GATA6: variants seen among roughly 807,000 people sequenced by gnomAD.
The protein encoded by GATA6 is GATA binding protein 6.
In GATA6, 11 loss-of-function variants were observed where a neutral mutation model predicts 48.1. The observed-to-expected ratio is 0.23, with a 90% CI of 0.14 to 0.38. The LOEUF is 0.38. GATA6 is among the 10% of genes least tolerant of loss of function. The probability of loss-of-function intolerance (pLI) is 1.00; values close to 1 mark genes in which losing one functional copy is unlikely to be tolerated. For missense variants in GATA6, 795 were observed against 850.3 expected, an observed-to-expected ratio of 0.93 and a Z score of 0.81; for synonymous variants, 419 against 396.1, an observed-to-expected ratio of 1.06 and a Z score of -0.69.
chr18:22,199,677 C>T (rs1328413488), intron 6 of GATA6, among the ~76,000 whole-genome samples: 2 of 151,978 alleles, frequency 1.3e-5, no homozygotes, highest in African/African-American at 4.8e-5. Context: ...CCCAGGCAAG[C>T]AGATCACCTG....
At chr18:22,174,452 C>T (rs2033096035) in intron 2 of GATA6, among the ~76,000 whole-genome samples, 1 of 152,088 alleles carries the variant, frequency 6.6e-6, no homozygotes, top group Admixed American at 6.6e-5. Flanking sequence ...CTACACTTTT[C>T]CTAATTTTTT....
chr18:22,178,391 A>G (rs1346128740), intron 3 of GATA6, among the ~76,000 whole-genome samples: 1 of 152,246 alleles, frequency 6.6e-6, no homozygotes, highest in Non-Finnish European at 1.5e-5. Context: ...AGCTTTCACC[A>G]GTCCCACTCT....
chr18:22,197,881 A>C (rs1000771549), intron 6 of GATA6, among the ~76,000 whole-genome samples: 4 of 151,880 alleles, frequency 2.6e-5, no homozygotes, highest in African/African-American at 9.7e-5. Flanking sequence ...CTCTTGGTCT[A>C]CCTTCCTGTC....
chr18:22,200,602 T>C, intron 6 of GATA6, 54 bp from the exon 7 acceptor site: 2 of 1,608,872 alleles, frequency 1.2e-6, no homozygotes, highest in Non-Finnish European at 1.7e-6. Flanking sequence ...ACTACCAGGA[T>C]TGTAACCGCT....
rs530396194 is a variant in GATA6, at chr18:22,170,674, T to G, written c.-37-434T>G. On this transcript the variant is annotated intron_variant, in intron 1 of 6. Transcript: ENST00000269216. This position sits in a 1 kb window ranked among gnomAD's most constrained non-coding sequence, Gnocchi z 6.7. ...GAGGGGCATCCGCAGAGAGGCGGGA[T>G]GCGGCGGTGCCGACACGCACAGCTA... 4.6e-3 allele frequency among the ~76,000 whole-genome samples: 706 copies of G among 152,266 alleles called. 9 individuals are homozygous for G. The highest frequency in any genetic ancestry group is 0.016 in the African/African-American group (685 of 41,564).
chr18:22,177,532 A>G (rs1017193516), intron 3 of GATA6, among the ~76,000 whole-genome samples: 2 of 152,346 alleles, frequency 1.3e-5, no homozygotes, highest in East Asian at 3.9e-4. Context: ...AAGATAGGCA[A>G]GAAATTGGTG....
chr18:22,175,250 C>G (rs1284994366), intron 2 of GATA6, among the ~76,000 whole-genome samples: 1 of 152,070 alleles, frequency 6.6e-6, no homozygotes, highest in African/African-American at 2.4e-5. Context: ...AATAAGCAAG[C>G]TTCCTAGGTT....
At chr18:22,176,581 A>T in intron 2 of GATA6, 1 of 179,366 alleles carries the variant, frequency 5.6e-6, no homozygotes, top group Non-Finnish European at 1.2e-5. Context: ...TTTGGCAACG[A>T]CGTACTGTAA....
In GATA6 at chr18:22,171,304, C is replaced by T. The variant is rs769197296; in HGVS notation, c.160C>T (p.Pro54Ser). 5 of 1,590,870 alleles carry T rather than the reference C, an allele frequency of 3.1e-6. No individual in the cohort carries two copies. The highest frequency in any genetic ancestry group is 1.7e-5 in the Admixed American group (1 of 59,492). ...SSCSRGGERG[P>S]GGASNCGTPQ... ...CTGCTCCCGGGGCGGAGAGCGGGGCCCCGGCGGCGCCAGCAACTGCGGGAC... is the reference window on the plus strand; with the variant it reads ...CTGCTCCCGGGGCGGAGAGCGGGGCTCCGGCGGCGCCAGCAACTGCGGGAC... The change falls in exon 2 of 7, where the codon CCC becomes TCC. Residue 54 changes from proline (P) to serine (S), a missense_variant. Physicochemically the swap from Pro to Ser is moderately conservative, Grantham distance 74. This residue lies in a region of GATA6 where 591 missense variants were observed against 570.0 expected (regional missense o/e 1.04). Transcript: ENST00000269216. The surrounding 1 kb of genome is among the most constrained non-coding windows in gnomAD (Gnocchi z 7.1).
chr18:22,171,726 G>A lies in GATA6; in HGVS notation c.582G>A (p.Val194=). Residue 194 remains valine, a synonymous_variant, in exon 2 of 7, where the codon GTG becomes GTA. Transcript: ENST00000269216. This position sits in a 1 kb window ranked among gnomAD's most constrained non-coding sequence, Gnocchi z 7.1. Reference sequence around the variant, plus strand: ...CGGTCTACGTGCCCACCACCCGCGTGGGTTCCATGCTGCCCGGCCTACCGT... The same window carrying A: ...CGGTCTACGTGCCCACCACCCGCGTAGGTTCCATGCTGCCCGGCCTACCGT... ...SSPVYVPTTR[V]GSMLPGLPYH... 6.7e-7 allele frequency: 1 copy of A among 1,488,540 alleles called. No homozygotes were observed. Among genetic ancestry groups the A allele is most frequent in the Admixed American group, 2.3e-5 (1 of 42,554 alleles). The allele number at this position is 1,488,540 out of a possible 1,614,324, so 92.2% of individuals were successfully genotyped here.
intron 3 of GATA6, among the ~76,000 whole-genome samples, chr18:22,180,818 C>T (rs372699903): frequency 2.7e-4 from 41 of 151,938 alleles, no homozygotes; most frequent in African/African-American, 9.7e-4. Flanking sequence ...TGGTGATCTC[C>T]GGTTTTCAGG....
At chr18:22,197,951 G>C (rs1305212960) in intron 6 of GATA6, among the ~76,000 whole-genome samples, 1 of 151,988 alleles carries the variant, frequency 6.6e-6, no homozygotes, top group Non-Finnish European at 1.5e-5. Flanking sequence ...AATGTGTATG[G>C]ATCCTGGCTC....
At position 22,172,159 on chromosome 18, in the gene GATA6, C is replaced by T. The variant is rs2033061691; in HGVS notation, c.1015C>T (p.Pro339Ser). The stretch of plus-strand genomic sequence containing the variant: ...CCACCACCATCCGAGCCCCTACTCG[C>T]CCTACGTGGGGGCGCCACTGACGCC... ...HHHHHPSPYS[P>S]YVGAPLTPAW... Residue 339 changes from proline (P) to serine (S), a missense_variant, in exon 2 of 7, where the codon CCC becomes TCC. Physicochemically the swap from Pro to Ser is moderately conservative, Grantham distance 74. Transcript: ENST00000269216. This position sits in a 1 kb window ranked among gnomAD's most constrained non-coding sequence, Gnocchi z 5.2. 1.3e-6 allele frequency: 2 copies of T among 1,532,926 alleles called. No homozygotes were observed. Among genetic ancestry groups the T allele is most frequent in the Admixed American group, 2.0e-5 (1 of 50,830 alleles). 95.0% of individuals were successfully genotyped at this position (1,532,926 alleles called of 1,614,324 possible).
In GATA6 at chr18:22,171,999, G is replaced by T. The variant is rs1014349671; in HGVS notation, c.855G>T (p.Ala285=). 9.2e-4 allele frequency: 1,139 copies of T among 1,231,450 alleles called. No homozygotes were observed. Among genetic ancestry groups the T allele is most frequent in the Middle Eastern group, 4.9e-3 (16 of 3,250 alleles). 76.3% of individuals were successfully genotyped at this position (1,231,450 alleles called of 1,614,324 possible). Residue 285 remains alanine (A), a synonymous_variant, in exon 2 of 7, where the codon GCG becomes GCT. Coordinates refer to ENST00000269216, the MANE Select transcript of GATA6 (RefSeq NM_005257.6). This position sits in a 1 kb window ranked among gnomAD's most constrained non-coding sequence, Gnocchi z 7.1. The part of the protein sequence containing the change: ...AAREPGGYAA[A]GSGGAGGVSG... The stretch of plus-strand genomic sequence containing the variant: ...GGGAGCCGGGAGGCTACGCGGCGGC[G>T]GGCAGTGGGGGCGCGGGAGGCGTGA...
In GATA6 at chr18:22,201,206, A is replaced by G; in HGVS notation, c.*383A>G. 1 of 248,250 alleles carries G rather than the reference A, an allele frequency of 4.0e-6. No individual in the cohort carries two copies. The highest frequency in any genetic ancestry group is 7.9e-6 in the Non-Finnish European group (1 of 125,956). The allele number at this position is 248,250 out of a possible 1,614,324, so 15.4% of individuals were successfully genotyped here. On this transcript the variant is annotated 3_prime_UTR_variant, in exon 7 of 7. Coordinates refer to ENST00000269216, the MANE Select transcript of GATA6 (RefSeq NM_005257.6). ...ATTTTGGTTGTTCCAGAATTTCTTC[A>G]TACCTTTTCCACATCCAGATTTCAT...
In GATA6 at chr18:22,172,860, C is replaced by A. The variant is rs1219346059; in HGVS notation, c.1135+581C>A. Among the ~76,000 whole-genome samples, 1 of 152,184 alleles carries A rather than the reference C, an allele frequency of 6.6e-6. No homozygotes were observed. Among genetic ancestry groups the A allele is most frequent in the African/African-American group, 2.4e-5 (1 of 41,436 alleles). On this transcript the variant is annotated intron_variant, in intron 2 of 6. Transcript: ENST00000269216. The surrounding 1 kb of genome is among the most constrained non-coding windows in gnomAD (Gnocchi z 5.2). ...TTCCTAGGGAAGCTAGTTGGCGTCT[C>A]CTCTCCCACAAGGGAGAGAGGGAAA...
chr18:22,182,542 G>C (rs1299407137), intron 4 of GATA6, among the ~76,000 whole-genome samples: 1 of 152,112 alleles, frequency 6.6e-6, no homozygotes, highest in Non-Finnish European at 1.5e-5. Context: ...ATATTTAGTA[G>C]AGACGGGGTT....
intron 3 of GATA6, chr18:22,180,250 A>G (rs1032906941): frequency 2.6e-5 from 4 of 152,102 alleles, no homozygotes; most frequent in African/African-American, 9.7e-5. Context: ...CTATGTCACA[A>G]TTTTTAAAGT....
chr18:22,180,031 T>C (rs2033173151), intron 3 of GATA6: 1 of 152,226 alleles, frequency 6.6e-6, no homozygotes. Context: ...CTCTTCTTCA[T>C]TCTTTACAAT....
Sources: gnomAD v4.1 joint callset for allele counts (sites outside exome capture counted in the v4.1 genomes callset) on GRCh38, gnomAD v4.1.1 for gene constraint, gnomAD v4.1.1 regional missense constraint, Gnocchi (gnomAD v3.1) non-coding constraint, MANE v1.5 for transcripts, NCBI Gene and HGNC (gene_info 2026-07-23, HGNC 2026-07-21) for gene names.